The following CEP89 variants were observed in gnomAD, a reference collection of about 807,000 sequenced individuals.
CEP89 encodes the protein centrosomal protein 89.
In CEP89, 95 loss-of-function variants were observed where a neutral mutation model predicts 97.6. That is an observed-to-expected ratio of 0.97 (90% confidence interval 0.82 to 1.15). The LOEUF (loss-of-function observed/expected upper bound fraction) is 1.15, where lower values mean the gene tolerates loss of function less well. Ranked by LOEUF, CEP89 falls within the 50% of genes most tolerant of loss-of-function variation. The probability of loss-of-function intolerance (pLI) is 0.00; values close to 1 mark genes in which losing one functional copy is unlikely to be tolerated. For synonymous variants in CEP89, 354 were observed against 349.1 expected, an observed-to-expected ratio of 1.01 and a Z score of -0.16; for missense variants, 869 against 947.7, an observed-to-expected ratio of 0.92 and a Z score of 1.09.
chr19:32,913,319 G>A lies in CEP89; in HGVS notation c.1565+2018C>T, dbSNP rs1037891778. On this transcript the variant is annotated intron_variant, in intron 14 of 18. Coordinates refer to ENST00000305768, the MANE Select transcript of CEP89 (RefSeq NM_032816.5). ...TATATATATATATTTTTTTGTTGTT[G>A]TTGTTGTTGTTGTTGTTGTTGTTTC... Among the ~76,000 whole-genome samples the A allele has an allele frequency of 3.8e-4, 35 of 92,402 alleles. No homozygotes were observed. The South Asian group carries it at 0.011, about 28-fold the overall frequency. 60.6% of individuals were successfully genotyped at this position (92,402 alleles called of 152,430 possible).
intron 17 of CEP89, among the ~76,000 whole-genome samples, chr19:32,887,318 A>G (rs1036607809): frequency 2.0e-5 from 3 of 151,174 alleles, no homozygotes; most frequent in African/African-American, 7.3e-5. Flanking sequence ...CCTGGGCTCA[A>G]TGGAGCCTCC....
rs759008543 is a variant in CEP89, at chr19:32,901,305, C to T, written c.1673G>A (p.Ser558Asn). The change falls in exon 15 of 19, where the codon AGT becomes AAT. Residue 558 changes from serine (S) to asparagine (N), a missense_variant. By Grantham distance (46) the Ser-to-Asn change is conservative (BLOSUM62 1). Coordinates refer to ENST00000305768, the MANE Select transcript of CEP89 (RefSeq NM_032816.5). Reference sequence around the variant, plus strand: ...CAGTGCTTTGTTTTGCTCTGTCAAACTGTTCTTCTCTAACAGCAGGCTCTT... The same window carrying T: ...CAGTGCTTTGTTTTGCTCTGTCAAATTGTTCTTCTCTAACAGCAGGCTCTT... ...QKKSLLLEKN[S>N]LTEQNKALEA... 1.2e-6 allele frequency: 2 copies of T among 1,614,200 alleles called. No individual in the cohort carries two copies. The highest frequency in any genetic ancestry group is 1.7e-6 in the Non-Finnish European group (2 of 1,180,036).
chr19:32,955,600 G>A (rs901694931), intron 3 of CEP89, among the ~76,000 whole-genome samples: 7 of 151,758 alleles, frequency 4.6e-5, no homozygotes, highest in Non-Finnish European at 1.0e-4. Flanking sequence ...TGCCACCTCC[G>A]CTTCCCGCGT....
rs1970825430 is a variant in CEP89 at position 32,947,721 on chromosome 19, C to G, written c.595+545G>C. Among the ~76,000 whole-genome samples, 3 of 151,878 alleles carry G rather than the reference C, an allele frequency of 2.0e-5. No individual in the cohort carries two copies. In the South Asian group the frequency reaches 6.2e-4, roughly 31 times the overall value. On this transcript the variant is annotated intron_variant, in intron 5 of 18. Transcript: ENST00000305768. ...GTAGAGAGAGTCTATGTTGCCCAAG[C>G]TGGTCTCAAACTCCTAAGCTCAAGA... is the stretch of plus-strand genomic sequence containing the variant.
rs1198903966 is a variant in CEP89 at position 32,876,718 on chromosome 19, C to G, written c.*2444G>C. The G allele has an allele frequency of 1.3e-5, 2 of 152,442 alleles. No individual in the cohort carries two copies. The highest frequency in any genetic ancestry group is 4.8e-5 in the African/African-American group (2 of 41,454). 9.4% of individuals were successfully genotyped at this position (152,442 alleles called of 1,614,324 possible). ...CCCGCCCTCCTTGGCATCCTGGACT[C>G]GTGGCTTCTCTGCCCATTTCCTATG... On this transcript the variant is annotated 3_prime_UTR_variant, in exon 19 of 19. Transcript: ENST00000305768.
chr19:32,893,201 T>A (rs1419674581), intron 16 of CEP89, among the ~76,000 whole-genome samples: 4 of 151,194 alleles, frequency 2.6e-5, no homozygotes, highest in Admixed American at 2.0e-4. Flanking sequence ...GATAAAAAAA[T>A]ATTCCATGCA....
At chr19:32,954,405 C>G (rs2145960913) in intron 3 of CEP89, among the ~76,000 whole-genome samples, 1 of 150,930 alleles carries the variant, frequency 6.6e-6, no homozygotes, top group Non-Finnish European at 1.5e-5. Context: ...CACTCTGTCT[C>G]CCAGGCTGGA....
intron 4 of CEP89, among the ~76,000 whole-genome samples, chr19:32,950,639 T>C (rs1970891733): frequency 6.6e-6 from 1 of 152,216 alleles, no homozygotes. Context: ...CTAAAGCTGA[T>C]GGTACATATA....
chr19:32,918,187 A>C (rs1237204108), intron 13 of CEP89, 37 bp downstream of exon 13: 2 of 1,464,164 alleles, frequency 1.4e-6, no homozygotes, highest in Non-Finnish European at 1.9e-6. Flanking sequence ...CAATAGTGAC[A>C]TCAATGCATG....
At chr19:32,880,460 C>T (rs904166033) in intron 18 of CEP89, among the ~76,000 whole-genome samples, 1 of 151,886 alleles carries the variant, frequency 6.6e-6, no homozygotes, top group South Asian at 2.1e-4. Flanking sequence ...ACATGTGAGA[C>T]CTCATCTCTA....
At chr19:32,896,919 A>C (rs1418301003) in intron 16 of CEP89, among the ~76,000 whole-genome samples, 2 of 152,206 alleles carry the variant, frequency 1.3e-5, no homozygotes, top group African/African-American at 4.8e-5. Flanking sequence ...TATGAAAAAA[A>C]TGCTCAACAC....
chr19:32,969,246 C>CA (rs1190592046), intron 1 of CEP89: 1 of 152,494 alleles, frequency 6.6e-6, no homozygotes, highest in Non-Finnish European at 1.5e-5. Context: ...TCGTCTCTAC[C>CA]ATCTTCATCC....
intron 5 of CEP89, 34 bp from the exon 6 acceptor site, chr19:32,939,919 A>G (rs764291203): frequency 9.8e-7 from 1 of 1,021,730 alleles, no homozygotes; most frequent in Admixed American, 2.1e-5. Context: ...ATAAACTTTT[A>G]AAGTAGATAA....
intron 3 of CEP89, among the ~76,000 whole-genome samples, chr19:32,954,609 T>A (rs1971007456): frequency 6.6e-6 from 1 of 151,854 alleles, no homozygotes; most frequent in Non-Finnish European, 1.5e-5. Flanking sequence ...TGCCTCAGCC[T>A]CCTAAAGTGC....
intron 7 of CEP89, among the ~76,000 whole-genome samples, chr19:32,935,823 ATC>A (rs1436363802): frequency 1.3e-5 from 2 of 151,804 alleles, no homozygotes; most frequent in African/African-American, 4.8e-5. Context: ...AGACCCGAGA[ATC>A]TCTGTGTTCT....
intron 2 of CEP89, among the ~76,000 whole-genome samples, chr19:32,961,440 G>A (rs894306056): frequency 2.0e-4 from 31 of 151,460 alleles, no homozygotes; most frequent in Non-Finnish European, 3.7e-4. Flanking sequence ...TTAGGTGGGC[G>A]TGGTGGCGGG....
At chr19:32,960,088 T>C in intron 2 of CEP89, 30 bp from the exon 3 acceptor site, 2 of 1,612,710 alleles carry the variant, frequency 1.2e-6, no homozygotes, top group Non-Finnish European at 8.5e-7. Flanking sequence ...ATGGAGACAG[T>C]GAGACATGAA....
At chr19:32,948,719 T>C (rs1970849618) in intron 4 of CEP89, among the ~76,000 whole-genome samples, 1 of 152,066 alleles carries the variant, frequency 6.6e-6, no homozygotes, top group South Asian at 2.1e-4. Context: ...ACCATGTTAC[T>C]AGTTTCCCCC....
At chr19:32,915,231 G>A in intron 14 of CEP89, 106 bp downstream of exon 14, 1 of 1,006,264 alleles carries the variant, frequency 9.9e-7, no homozygotes, top group Middle Eastern at 3.3e-4. Flanking sequence ...GGCTGGGATG[G>A]GCAGATCACT....
Sources: allele counts gnomAD v4.1 joint callset (sites outside exome capture counted in the v4.1 genomes callset), GRCh38; gene constraint gnomAD v4.1.1; transcripts MANE v1.5; gene names NCBI Gene and HGNC (gene_info 2026-07-23, HGNC 2026-07-21).